The following MYO16 variants were observed in gnomAD, a reference collection of about 807,000 sequenced individuals.
MYO16 encodes unconventional myosin-XVI.
MYO16 carries 94 observed loss-of-function variants against 205.3 expected under a neutral mutation model. The ratio of observed to expected loss-of-function variants is 0.46; its 90% CI spans 0.39 to 0.54. The LOEUF is 0.54. Among genes scored for constraint, MYO16 ranks in the 20% least tolerant of loss-of-function variants. MYO16 has a pLI of 0.00. For missense variants in MYO16, 2,315 were observed against 2,387.5 expected (o/e 0.97, Z 0.63); for synonymous variants, 988 against 954.0 (o/e 1.04, Z -0.66).
At chr13:108,659,650 G>C (rs769059720) in intron 1 of MYO16, among the ~76,000 whole-genome samples, 2 of 152,144 alleles carry the variant, frequency 1.3e-5, no homozygotes, top group African/African-American at 2.4e-5. Context: ...ATTTCTGTAA[G>C]AGCAGGACTA....
chr13:108,553,511 T>A, the MYO16 span, among the ~76,000 whole-genome samples: 1 of 152,206 alleles, frequency 6.6e-6, no homozygotes, highest in Non-Finnish European at 1.5e-5. Context: ...TGTCATGGTA[T>A]TTAATCATAC....
intron 2 of MYO16, among the ~76,000 whole-genome samples, chr13:108,687,717 T>C (rs1291051991): frequency 2.0e-5 from 3 of 152,222 alleles, no homozygotes; most frequent in Non-Finnish European, 2.9e-5. Flanking sequence ...ACTGATTAGT[T>C]AAATAATTTA....
chr13:109,094,578 A>C (rs1479038077), intron 27 of MYO16, among the ~76,000 whole-genome samples: 1 of 152,190 alleles, frequency 6.6e-6, no homozygotes, highest in African/African-American at 2.4e-5. Flanking sequence ...CAAAACGTAC[A>C]GGTTTGTTAC....
chr13:108,849,665 G>A (rs968899152), intron 10 of MYO16, among the ~76,000 whole-genome samples: 4 of 105,944 alleles, frequency 3.8e-5, no homozygotes, highest in African/African-American at 1.4e-4. Context: ...GTGTGTGTGT[G>A]TAACTTATCC....
At chr13:108,650,999 TC>T (rs759090832) in intron 1 of MYO16, among the ~76,000 whole-genome samples, 4 of 152,192 alleles carry the variant, frequency 2.6e-5, no homozygotes, top group Non-Finnish European at 5.9e-5. Context: ...CATTGGATCA[TC>T]CCTGTGAGGT....
At chr13:109,066,566 G>T (rs1414947722) in intron 27 of MYO16, among the ~76,000 whole-genome samples, 1 of 152,084 alleles carries the variant, frequency 6.6e-6, no homozygotes, top group Non-Finnish European at 1.5e-5. Flanking sequence ...TCTTTACTGA[G>T]AATTTGTTAT....
chr13:109,150,426 G>C (rs1421416455), intron 32 of MYO16, among the ~76,000 whole-genome samples: 3 of 151,910 alleles, frequency 2.0e-5, no homozygotes, highest in Admixed American at 6.6e-5. Context: ...TTGAAACCGA[G>C]GAGCAAAACC....
Position 109,085,577 on chromosome 13 carries a change from G to A in MYO16, c.3336-15208G>A, listed in dbSNP as rs1888414676. ...ATCCAGAAGGAAATTCAATACATAG[G>A]TGTGAAGGTCAAGAAAGGGAGGATT... On this transcript the variant is annotated intron_variant, in intron 27 of 34. Transcript: ENST00000457511. Among the ~76,000 whole-genome samples, 3 of 152,178 alleles carry A rather than the reference G, an allele frequency of 2.0e-5. No individual in the cohort carries two copies. In the South Asian group the frequency reaches 6.2e-4, roughly 32 times the overall value.
intron 20 of MYO16, among the ~76,000 whole-genome samples, chr13:108,975,900 T>C (rs1178136374): frequency 6.6e-6 from 1 of 152,146 alleles, no homozygotes; most frequent in Non-Finnish European, 1.5e-5. Context: ...CTATAATGAT[T>C]GTTAGTAGTA....
intron 27 of MYO16, among the ~76,000 whole-genome samples, chr13:109,096,112 A>C (rs903832043): frequency 1.3e-5 from 2 of 152,144 alleles, no homozygotes; most frequent in Admixed American, 6.5e-5. Flanking sequence ...AAGTACTACA[A>C]ACTCCATGGC....
chr13:108,606,122 AT>A (rs1878948666), intron 1 of MYO16, among the ~76,000 whole-genome samples: 1 of 152,288 alleles, frequency 6.6e-6, no homozygotes, highest in African/African-American at 2.4e-5. Context: ...ATTGGCACTT[AT>A]GTTTAAAAGG....
At chr13:109,205,250 A>C (rs887177552) in intron 34 of MYO16, among the ~76,000 whole-genome samples, 5 of 152,138 alleles carry the variant, frequency 3.3e-5, no homozygotes, top group Non-Finnish European at 7.4e-5. Flanking sequence ...ACAGACTCTG[A>C]ATATGGGTTT....
chr13:108,886,322 T>G, intron 13 of MYO16: 1 of 443,164 alleles, frequency 2.3e-6, no homozygotes, highest in Admixed American at 2.4e-5. Flanking sequence ...AATGATTCCC[T>G]GTACCAACCC....
chr13:109,179,286 T>A (rs1490804111), intron 33 of MYO16, among the ~76,000 whole-genome samples: 2 of 152,240 alleles, frequency 1.3e-5, no homozygotes, highest in Non-Finnish European at 2.9e-5. Flanking sequence ...TGCTCACTTT[T>A]GTGCTATTAT....
intron 12 of MYO16, 77 bp downstream of exon 12, chr13:108,866,319 T>TAA: frequency 1.1e-6 from 1 of 887,356 alleles, no homozygotes; most frequent in South Asian, 2.6e-5. Context: ...ATCAAATGAC[T>TAA]AAAAAAAACA....
At chr13:109,179,034 C>T (rs896470807) in intron 33 of MYO16, among the ~76,000 whole-genome samples, 8 of 152,144 alleles carry the variant, frequency 5.3e-5, no homozygotes, top group Admixed American at 5.2e-4. Flanking sequence ...GGAAATTCAG[C>T]CAATCTCTTT....
intron 28 of MYO16, among the ~76,000 whole-genome samples, chr13:109,116,357 G>A (rs1246363227): frequency 2.0e-5 from 3 of 152,026 alleles, no homozygotes; most frequent in Non-Finnish European, 4.4e-5. Flanking sequence ...AACCCACCAG[G>A]GGATTGGAGG....
chr13:108,693,542 T>C (rs1882979577), intron 2 of MYO16, among the ~76,000 whole-genome samples: 1 of 152,222 alleles, frequency 6.6e-6, no homozygotes, highest in South Asian at 2.1e-4. Context: ...GGTTCATTCA[T>C]GTTGGAGCCT....
chr13:108,577,580 G>A, the MYO16 span, among the ~76,000 whole-genome samples: 1 of 152,148 alleles, frequency 6.6e-6, no homozygotes, highest in East Asian at 1.9e-4. Flanking sequence ...CCTCACTCAT[G>A]TCCCATTCTT....
Sources: gnomAD v4.1 joint callset for allele counts (sites outside exome capture counted in the v4.1 genomes callset) on GRCh38, gnomAD v4.1.1 for gene constraint, MANE v1.5 for transcripts, NCBI Gene and HGNC (gene_info 2026-07-23, HGNC 2026-07-21) for gene names.